The following TMCO4 variants were observed in gnomAD, a reference collection of about 807,000 sequenced individuals.
TMCO4 encodes transmembrane and coiled-coil domains 4.
In TMCO4, 58 loss-of-function variants were observed where a neutral mutation model predicts 64.7. The observed-to-expected ratio is 0.90, with a 90% CI of 0.73 to 1.12. TMCO4 has a LOEUF of 1.12. Among genes scored for constraint, TMCO4 ranks in the 50% most tolerant of loss-of-function variants. The pLI is 0.00. For missense variants in TMCO4, 780 were observed against 825.9 expected, an observed-to-expected ratio of 0.94 and a Z score of 0.68; for synonymous variants, 325 against 346.1, an observed-to-expected ratio of 0.94 and a Z score of 0.68.
intron 13 of TMCO4, among the ~76,000 whole-genome samples, chr1:19,714,980 T>C (rs1415233812): frequency 2.0e-5 from 3 of 152,006 alleles, no homozygotes; most frequent in Non-Finnish European, 4.4e-5. Context: ...CAGTGGCTCA[T>C]GCATGTAACC....
At chr1:19,699,379 G>T (rs956608964) in intron 14 of TMCO4, among the ~76,000 whole-genome samples, 8 of 151,718 alleles carry the variant, frequency 5.3e-5, no homozygotes, top group African/African-American at 1.7e-4. Context: ...TGAATTCAGG[G>T]AAGTTGTTTG....
chr1:19,781,144 C>CA (rs535767635), intron 3 of TMCO4, among the ~76,000 whole-genome samples: 1,236 of 50,682 alleles, frequency 0.024, 13 homozygotes, highest in African/African-American at 0.049. Context: ...GACTCCATCT[C>CA]AAAAAAAAAA....
intron 1 of TMCO4, 98 bp from the exon 2 acceptor site, chr1:19,798,313 C>G (rs1480968417): frequency 1.3e-5 from 2 of 152,508 alleles, no homozygotes; most frequent in African/African-American, 2.4e-5. Context: ...GGCTGATCAG[C>G]CTTTGTAGCC....
At chr1:19,706,005 A>T (rs1314145139) in intron 13 of TMCO4, among the ~76,000 whole-genome samples, 1 of 151,982 alleles carries the variant, frequency 6.6e-6, no homozygotes, top group Non-Finnish European at 1.5e-5. Context: ...GGCTCAAGTG[A>T]TTCTCCTACC....
intron 14 of TMCO4, among the ~76,000 whole-genome samples, chr1:19,695,656 C>T (rs2095231331): frequency 6.6e-6 from 1 of 152,146 alleles, no homozygotes; most frequent in South Asian, 2.1e-4. Flanking sequence ...AGGCAAGTCC[C>T]CCACCTGTCT....
chr1:19,716,082 C>T (rs111495164), intron 13 of TMCO4, among the ~76,000 whole-genome samples: 1,628 of 152,086 alleles, frequency 0.011, 31 homozygotes, highest in African/African-American at 0.037. Context: ...TATGGGAGGC[C>T]GAGGCGGGAG....
At chr1:19,711,147 C>T (rs1032432111) in intron 13 of TMCO4, among the ~76,000 whole-genome samples, 3 of 152,216 alleles carry the variant, frequency 2.0e-5, no homozygotes, top group African/African-American at 7.2e-5. Flanking sequence ...TTTCATTCTA[C>T]GTGTACCACA....
At chr1:19,795,088 T>C (rs553922803) in intron 2 of TMCO4, among the ~76,000 whole-genome samples, 3 of 152,112 alleles carry the variant, frequency 2.0e-5, no homozygotes, top group Non-Finnish European at 4.4e-5. Flanking sequence ...ACGATGTGAA[T>C]ATACTTGACA....
chr1:19,703,483 TTCCC>T (rs987983986), intron 13 of TMCO4, among the ~76,000 whole-genome samples: 3 of 150,740 alleles, frequency 2.0e-5, no homozygotes, highest in African/African-American at 4.9e-5. Context: ...CCTTCCTTCC[TTCCC>T]TCCTTCTCTC....
At position 19,755,774 on chromosome 1, in the gene TMCO4, GA is replaced by G. The variant is rs1246029100; in HGVS notation, c.383-9del. 6.2e-7 allele frequency: 1 copy of G among 1,613,868 alleles called. No homozygotes were observed. The highest frequency in any genetic ancestry group is 1.7e-5 in the Admixed American group (1 of 59,970). On this transcript the variant is annotated splice_polypyrimidine_tract_variant and intron_variant, in intron 6 of 15. Transcript: ENST00000294543. ...CCCGGGCGTCATAGTGCCCTCGAAAGACAGAAACAACACCGGAAAAGAATCA... is the reference window on the plus strand; with the variant it reads ...CCCGGGCGTCATAGTGCCCTCGAAAGCAGAAACAACACCGGAAAAGAATCA...
chr1:19,709,408 C>A (rs1212861621), intron 13 of TMCO4, among the ~76,000 whole-genome samples: 1 of 149,612 alleles, frequency 6.7e-6, no homozygotes, highest in African/African-American at 2.5e-5. Context: ...TGGATACAAT[C>A]CATGGAAGGG....
At chr1:19,748,827 T>TGAA (rs1301968686) in intron 7 of TMCO4, among the ~76,000 whole-genome samples, 6 of 141,858 alleles carry the variant, frequency 4.2e-5, no homozygotes, top group Admixed American at 7.0e-5. Context: ...CTGTCTCGAA[T>TGAA]GAATGAGTGA....
At chr1:19,701,840 G>A (rs747421215) in intron 13 of TMCO4, among the ~76,000 whole-genome samples, 21 of 152,140 alleles carry the variant, frequency 1.4e-4, no homozygotes, top group Non-Finnish European at 2.4e-4. Flanking sequence ...TATTCAAAGT[G>A]CAGTCTGGGC....
intron 14 of TMCO4, among the ~76,000 whole-genome samples, chr1:19,700,345 C>T (rs906550051): frequency 6.6e-6 from 1 of 152,046 alleles, no homozygotes; most frequent in Non-Finnish European, 1.5e-5. Context: ...TCAGCCTAGG[C>T]CCCTCCAGCC....
rs766643858 is a variant in TMCO4 at position 19,755,634 on chromosome 1, T to G, written c.515A>C (p.Glu172Ala). 6.2e-7 allele frequency: 1 copy of G among 1,613,976 alleles called. No homozygotes were observed. Among genetic ancestry groups the G allele is most frequent in the Non-Finnish European group, 8.5e-7 (1 of 1,179,924 alleles). Residue 172 changes from glutamate (E) to alanine (A), a missense_variant and splice_region_variant, in exon 7 of 16, where the codon GAA (glutamate) becomes GCA (alanine). Coordinates refer to ENST00000294543, the MANE Select transcript of TMCO4 (RefSeq NM_181719.7). Reference sequence around the variant, plus strand: ...GATGGGGGTCGCGGGGCTCTCTTACTCAGATTCCTCTTCTTTGATTTCCTT... The same window carrying G: ...GATGGGGGTCGCGGGGCTCTCTTACGCAGATTCCTCTTCTTTGATTTCCTT... The part of the protein sequence containing the change: ...SLKEIKEEES[E>A]MAEASRKKKE...
chr1:19,744,564 A>G (rs773490142), intron 10 of TMCO4, among the ~76,000 whole-genome samples: 5 of 152,084 alleles, frequency 3.3e-5, no homozygotes, highest in Non-Finnish European at 4.4e-5. Flanking sequence ...GACAAATTCA[A>G]ACTTCTTGCC....
chr1:19,753,508 G>A lies in TMCO4; in HGVS notation c.515+2126C>T, dbSNP rs1418089440. On this transcript the variant is annotated intron_variant, in intron 7 of 15. Transcript: ENST00000294543. ...TCAGACAGGGACCCAGGAGCAGAGG[G>A]GTGGTACGTCACACTCTAGACCTCA... 2.6e-5 allele frequency among the ~76,000 whole-genome samples: 4 copies of A among 152,266 alleles called. No individual in the cohort carries two copies. The East Asian group carries it at 7.7e-4, about 29-fold the overall frequency.
At chr1:19,727,367 G>A (rs1306412439) in intron 13 of TMCO4, among the ~76,000 whole-genome samples, 1 of 152,182 alleles carries the variant, frequency 6.6e-6, no homozygotes, top group East Asian at 1.9e-4. Flanking sequence ...TCCGTGGGAT[G>A]ACTGATGTAC....
intron 12 of TMCO4, 98 bp from the exon 13 acceptor site, chr1:19,737,554 C>T: frequency 9.6e-7 from 1 of 1,039,138 alleles, no homozygotes; most frequent in East Asian, 2.5e-5. Flanking sequence ...TCCTTACCAC[C>T]TGATTCTCAT....
Sources: allele counts gnomAD v4.1 joint callset (sites outside exome capture counted in the v4.1 genomes callset), GRCh38; gene constraint gnomAD v4.1.1; transcripts MANE v1.5; gene names NCBI Gene and HGNC (gene_info 2026-07-23, HGNC 2026-07-21).